RUBCN: variants seen among roughly 807,000 people sequenced by gnomAD.
RUBCN encodes rubicon autophagy regulator.
RUBCN carries 74 observed loss-of-function variants against 113.2 expected under a neutral mutation model. The ratio of observed to expected loss-of-function variants is 0.65; its 90% CI spans 0.54 to 0.79. RUBCN has a LOEUF of 0.79. Among genes scored for constraint, RUBCN ranks in the 30% least tolerant of loss-of-function variants. The pLI, the probability that RUBCN is intolerant of heterozygous loss-of-function variation, is 0.00. For synonymous variants in RUBCN, 480 were observed against 490.0 expected (o/e 0.98, Z 0.27); for missense variants, 1,109 against 1,251.7 (o/e 0.89, Z 1.72).
intron 1 of RUBCN, among the ~76,000 whole-genome samples, chr3:197,745,342 G>A (rs1396100223): frequency 6.7e-6 from 1 of 150,210 alleles, no homozygotes; most frequent in South Asian, 2.1e-4. Flanking sequence ...CAAGCCAGGT[G>A]CAGTGGCTCA....
At chr3:197,694,155 TG>T (rs1380462091) in intron 10 of RUBCN, 4 of 669,820 alleles carry the variant, frequency 6.0e-6, no homozygotes, top group Non-Finnish European at 1.1e-5. Context: ...CCTCCCAAAG[TG>T]CTGGGATTCC....
chr3:197,708,934 T>C (rs540201510), intron 2 of RUBCN, among the ~76,000 whole-genome samples: 2 of 152,170 alleles, frequency 1.3e-5, no homozygotes, highest in East Asian at 3.9e-4. Flanking sequence ...AAATGAAAAA[T>C]GAAAATTTTA....
intron 7 of RUBCN, 60 bp from the exon 8 acceptor site, chr3:197,697,109 CCAACTCTGGAGTTT>C: frequency 1.2e-6 from 1 of 865,422 alleles, no homozygotes; most frequent in Non-Finnish European, 2.0e-6. Flanking sequence ...AGGTACATTC[CCAACTCTGGAGTTT>C]CAACACTTAA....
intron 10 of RUBCN, 131 bp downstream of exon 10, chr3:197,694,244 C>T: frequency 1.2e-6 from 1 of 859,354 alleles, no homozygotes; most frequent in Non-Finnish European, 2.0e-6. Flanking sequence ...GATGAGTATT[C>T]CTAGCATGAT....
At chr3:197,742,490 C>CA (rs890443044) in intron 1 of RUBCN, among the ~76,000 whole-genome samples, 50 of 145,550 alleles carry the variant, frequency 3.4e-4, no homozygotes, top group Middle Eastern at 3.4e-3. Context: ...GAGACTGTCT[C>CA]AAAAAAAAAA....
chr3:197,678,576 C>T (rs1007659600), intron 16 of RUBCN, among the ~76,000 whole-genome samples: 1 of 150,272 alleles, frequency 6.7e-6, no homozygotes, highest in Non-Finnish European at 1.5e-5. Flanking sequence ...TCAGACTGTC[C>T]TACACTCTGA....
intron 1 of RUBCN, among the ~76,000 whole-genome samples, chr3:197,721,739 C>G (rs1726192532): frequency 6.6e-6 from 1 of 152,102 alleles, no homozygotes; most frequent in Admixed American, 6.5e-5. Flanking sequence ...TTTCTTCCCT[C>G]TTAGTACTAC....
rs114614005 is a variant in RUBCN at position 197,730,271 on chromosome 3, G to A, written c.65+6384C>T. On this transcript the variant is annotated intron_variant, in intron 1 of 19. Coordinates refer to ENST00000296343, the MANE Select transcript of RUBCN (RefSeq NM_014687.4). ...CACCCTCCCTTAGGATCCAGGGTTG[G>A]GCACATAACTTAGGCCTGACTAAGC... 8.6e-3 allele frequency among the ~76,000 whole-genome samples: 1,303 copies of A among 152,232 alleles called. 10 individuals carry two copies. Among genetic ancestry groups the A allele is most frequent in the African/African-American group, 0.03 (1,233 of 41,550 alleles).
In RUBCN at chr3:197,675,653, A is replaced by C; in HGVS notation, c.2647-138T>G. 3 of 718,656 alleles carry C rather than the reference A, an allele frequency of 4.2e-6. No homozygotes were observed. The highest frequency in any genetic ancestry group is 5.0e-6 in the Non-Finnish European group (2 of 400,432). 44.5% of individuals were successfully genotyped at this position (718,656 alleles called of 1,614,324 possible). ...GGAGGCCTGGGCTGGACTCAGAAGC[A>C]TGAAAGCTAAACTAGGACCAGGGCC... On this transcript the variant is annotated intron_variant, in intron 18 of 19. Coordinates refer to ENST00000296343, the MANE Select transcript of RUBCN (RefSeq NM_014687.4). The surrounding 1 kb of genome is among the most constrained non-coding windows in gnomAD (Gnocchi z 4.4).
rs1722785541 is a variant in RUBCN at position 197,694,501 on chromosome 3, C to T, written c.1558G>A (p.Glu520Lys). ...CTGTCTTCCTCTTCCACTTCCTCCT[C>T]CTCTAGGCACTGGCTCATCATGTTG... Reference protein sequence around the residue: ...KCNMMSQCLEEEEVEEEDSDR... With the variant: ...KCNMMSQCLEKEEVEEEDSDR... Residue 520 changes from glutamate (E) to lysine (K), a missense_variant, in exon 10 of 20, where the codon GAG becomes AAG. Glu to Lys is a moderately conservative substitution (Grantham distance 56, BLOSUM62 1). This residue lies in a region of RUBCN where 736 missense variants were observed against 779.6 expected (regional missense o/e 0.94). Coordinates refer to ENST00000296343, the MANE Select transcript of RUBCN (RefSeq NM_014687.4). 6.2e-7 allele frequency: 1 copy of T among 1,614,216 alleles called. No individual in the cohort carries two copies. Among genetic ancestry groups the T allele is most frequent in the Non-Finnish European group, 8.5e-7 (1 of 1,180,020 alleles).
intron 1 of RUBCN, among the ~76,000 whole-genome samples, chr3:197,724,599 T>G (rs999697171): frequency 6.6e-6 from 1 of 152,140 alleles, no homozygotes; most frequent in Non-Finnish European, 1.5e-5. Context: ...CAGCTGAAAG[T>G]CAGGTTGTCC....
intron 1 of RUBCN, among the ~76,000 whole-genome samples, chr3:197,747,739 G>A (rs919641876): frequency 6.6e-6 from 1 of 152,158 alleles, no homozygotes; most frequent in African/African-American, 2.4e-5. Context: ...TGAATGTGGA[G>A]AAAAATGACT....
chr3:197,696,116 G>A, intron 8 of RUBCN, 135 bp from the exon 9 acceptor site: 1 of 857,868 alleles, frequency 1.2e-6, no homozygotes, highest in Non-Finnish European at 1.9e-6. Flanking sequence ...CCTTCTAAAA[G>A]AATTTCTTGC....
intron 10 of RUBCN, 53 bp downstream of exon 10, chr3:197,694,322 T>C (rs749634394): frequency 3.6e-4 from 547 of 1,521,548 alleles, no homozygotes; most frequent in Non-Finnish European, 4.6e-4. Flanking sequence ...CACCAGGCCT[T>C]ATGCTGAAGT....
At position 197,742,673 on chromosome 3, in the gene RUBCN, T is replaced by C. The variant is rs114636425; in HGVS notation, c.-116+6596A>G. The stretch of plus-strand genomic sequence containing the variant: ...TATGTGCAAGACGCTGTGCTTTAGT[T>C]AGTCTCCCCCAGCCTGGGCTCCTCA... On this transcript the variant is annotated intron_variant, in intron 1 of 20. Coordinates refer to the RUBCN transcript ENST00000273582. Among the ~76,000 whole-genome samples the C allele has an allele frequency of 2.5e-3, 374 of 152,222 alleles. 1 individual carries two copies. The highest frequency in any genetic ancestry group is 8.5e-3 in the African/African-American group (353 of 41,544).
chr3:197,699,102 T>C (rs1580245764), intron 7 of RUBCN: 1 of 953,940 alleles, frequency 1.0e-6, no homozygotes, highest in East Asian at 2.6e-5. Context: ...CAGACTTGAT[T>C]TGACACCAGA....
chr3:197,696,501 T>C lies in RUBCN; in HGVS notation c.1357+453A>G, dbSNP rs929559289. The stretch of plus-strand genomic sequence containing the variant: ...CTGCCATCTAAAATTAAAGAGAACA[T>C]GCTCTCCCTCGTACCATACAGTAAA... On this transcript the variant is annotated intron_variant, in intron 8 of 19. Transcript: ENST00000296343. 5.9e-5 allele frequency among the ~76,000 whole-genome samples: 9 copies of C among 152,138 alleles called. No individual in the cohort carries two copies. In the East Asian group the frequency reaches 1.4e-3, roughly 23 times the overall value.
chr3:197,707,776 T>G lies in RUBCN; in HGVS notation c.220-2601A>C, dbSNP rs988142837. The stretch of plus-strand genomic sequence containing the variant: ...CAGGAGAAGTTCGAGACCAGCCTGG[T>G]CAACATGGTGAAACCCTGTCTCTAC... On this transcript the variant is annotated intron_variant, in intron 2 of 19. Coordinates refer to ENST00000296343, the MANE Select transcript of RUBCN (RefSeq NM_014687.4). Among the ~76,000 whole-genome samples, 9 of 152,020 alleles carry G rather than the reference T, an allele frequency of 5.9e-5. No homozygotes were observed. The East Asian group carries it at 9.7e-4, about 16-fold the overall frequency.
rs544437123 is a variant in RUBCN at position 197,683,236 on chromosome 3, T to C, written c.1980+71A>G. 4 of 1,587,912 alleles carry C rather than the reference T, an allele frequency of 2.5e-6. No individual in the cohort carries two copies. Among genetic ancestry groups the C allele is most frequent in the African/African-American group, 2.7e-5 (2 of 74,564 alleles). On this transcript the variant is annotated intron_variant, in intron 13 of 19. Transcript: ENST00000296343. The surrounding 1 kb of genome is among the most constrained non-coding windows in gnomAD (Gnocchi z 4.6). ...CCAGGCTCATTCCAGACTAGGGACA[T>C]GTGACGAAGGAAAACAAGGTCACAG...
Sources: gnomAD v4.1 joint callset for allele counts (sites outside exome capture counted in the v4.1 genomes callset) on GRCh38, gnomAD v4.1.1 for gene constraint, gnomAD v4.1.1 regional missense constraint, Gnocchi (gnomAD v3.1) non-coding constraint, MANE v1.5 for transcripts, NCBI Gene and HGNC (gene_info 2026-07-23, HGNC 2026-07-21) for gene names.